HGFAC: variants seen among roughly 807,000 people sequenced by gnomAD.
The protein encoded by HGFAC is hepatocyte growth factor activator serine protease.
Under a neutral mutation model 70.6 loss-of-function variants are expected in HGFAC, and 76 were observed. The ratio of observed to expected loss-of-function variants is 1.08; its 90% confidence interval spans 0.89 to 1.30. The LOEUF is 1.30. Among genes scored for constraint, HGFAC ranks in the 50% most tolerant of loss-of-function variants. The pLI is 0.00. For synonymous variants in HGFAC, 464 were observed against 405.3 expected, an observed-to-expected ratio of 1.14 and a Z score of -1.74; for missense variants, 1,044 against 933.7, an observed-to-expected ratio of 1.12 and a Z score of -1.54.
At chr4:3,447,359 A>G (rs1395535535) in intron 10 of HGFAC, 133 bp from the exon 11 acceptor site, 5 of 916,056 alleles carry the variant, frequency 5.5e-6, no homozygotes, top group Middle Eastern at 3.2e-4. Context: ...ACACCCAGGC[A>G]CCTGCTCAGA....
At chr4:3,441,427 C>T (rs1478935651), upstream of HGFAC, among the ~76,000 whole-genome samples, 1 of 152,154 alleles carries the variant, frequency 6.6e-6, no homozygotes, top group Non-Finnish European at 1.5e-5. The surrounding 1 kb of genome is among the most constrained non-coding windows in gnomAD (Gnocchi z 6.0). Flanking sequence ...TGCGTGGCCC[C>T]TCTCCTCCCT....
intron 9 of HGFAC, chr4:3,445,616 G>A (rs938409514): frequency 3.7e-5 from 22 of 600,788 alleles, no homozygotes; most frequent in Non-Finnish European, 6.5e-5. Context: ...CAGGATGGCC[G>A]CAGAAGCCTT....
At position 3,442,860 on chromosome 4, in the gene HGFAC, G is replaced by C. The variant is rs1725360852; in HGVS notation, c.246G>C (p.Gly82=). The stretch of plus-strand genomic sequence containing the variant: ...AGGCAGAGGGACCCCAAAGTGGGGG[G>C]CTCCCGCCCCCGCCCAGGGCAGTTC... The part of the protein sequence containing the change: ...APEAEGPQSG[G]LPPPPRAVPS... Residue 82 remains glycine (G), a synonymous_variant, in exon 2 of 14, where the codon GGG becomes GGC. Transcript: ENST00000382774. The C allele has an allele frequency of 1.3e-6, 2 of 1,577,204 alleles. No homozygotes were observed. Among genetic ancestry groups the C allele is most frequent in the Non-Finnish European group, 8.6e-7 (1 of 1,165,500 alleles).
In HGFAC at chr4:3,449,334, C is replaced by T. The variant is rs773142376; in HGVS notation, c.1883C>T (p.Pro628Leu). 1.6e-5 allele frequency: 25 copies of T among 1,611,892 alleles called. No homozygotes were observed. Among genetic ancestry groups the T allele is most frequent in the South Asian group, 3.3e-5 (3 of 91,012 alleles). Residue 628 changes from proline to leucine, a missense_variant, in exon 14 of 14, where the codon CCG (proline) becomes CTG (leucine). By Grantham distance (98) the Pro-to-Leu change is moderately conservative. Coordinates refer to ENST00000382774, the MANE Select transcript of HGFAC (RefSeq NM_001528.4). ...GACGGCTGCGGGCGGCTCCACAAGC[C>T]GGGGGTCTACACCCGCGTGGCCAAC... ...WGDGCGRLHK[P>L]GVYTRVANYV...
chr4:3,442,890 G>A lies in HGFAC; in HGVS notation c.276G>A (p.Ser92=), dbSNP rs34824720. The change falls in exon 2 of 14, where the codon TCG becomes TCA. Residue 92 remains serine, a synonymous_variant. Coordinates refer to ENST00000382774, the MANE Select transcript of HGFAC (RefSeq NM_001528.4). ...GLPPPPRAVP[S]SSSPQAQALT... is the part of the protein sequence containing the mutation. ...CGCCCCCGCCCAGGGCAGTTCCCTC[G>A]AGCAGTAGCCCCCAGGCCCAAGGTG... The A allele has an allele frequency of 4.4e-5, 69 of 1,564,484 alleles. No homozygotes were observed. The highest frequency in any genetic ancestry group is 2.0e-4 in the South Asian group (17 of 85,140).
Position 3,448,052 on chromosome 4 carries a change from G to A in HGFAC, c.1636+17G>A. ...TGGATGAGAGTGAGTTGGGAGGGGG[G>A]CGCCCAGCGCCCCGCCAGGGTGGAC... is the stretch of plus-strand genomic sequence containing the variant. On this transcript the variant is annotated intron_variant, in intron 12 of 13. Coordinates refer to ENST00000382774, the MANE Select transcript of HGFAC (RefSeq NM_001528.4). 1.3e-6 allele frequency: 2 copies of A among 1,553,412 alleles called. No homozygotes were observed. Among genetic ancestry groups the A allele is most frequent in the Non-Finnish European group, 1.7e-6 (2 of 1,149,492 alleles).
upstream of HGFAC, among the ~76,000 whole-genome samples, chr4:3,441,244 G>A (rs1236096800): frequency 6.6e-6 from 1 of 152,172 alleles, no homozygotes; most frequent in Non-Finnish European, 1.5e-5. The surrounding 1 kb of genome is among the most constrained non-coding windows in gnomAD (Gnocchi z 6.0). Flanking sequence ...GCGGCGGTGG[G>A]GAGCTGGGGT....
At position 3,447,426 on chromosome 4, in the gene HGFAC, G is replaced by C. The variant is rs543761861; in HGVS notation, c.1356-66G>C. On this transcript the variant is annotated intron_variant, in intron 10 of 13. Transcript: ENST00000382774. Reference sequence around the variant, plus strand: ...GGCCTCCGTGGGCCTGACAGGGGGTGGGGAGAGGTGAGCCCGGTGGCTGGG... The same window carrying C: ...GGCCTCCGTGGGCCTGACAGGGGGTCGGGAGAGGTGAGCCCGGTGGCTGGG... 30 of 1,581,754 alleles carry C rather than the reference G, an allele frequency of 1.9e-5. 1 individual carries two copies. The Admixed American group carries it at 4.9e-4, about 26-fold the overall frequency.
chr4:3,444,397 G>C lies in HGFAC; in HGVS notation c.685G>C (p.Glu229Gln), dbSNP rs138611679. 2 of 1,605,120 alleles carry C rather than the reference G, an allele frequency of 1.2e-6. No individual in the cohort carries two copies. Among genetic ancestry groups the C allele is most frequent in the Admixed American group, 1.7e-5 (1 of 58,928 alleles). ...GCGCCAGGGCCACGTGGAACAGTGC[G>C]AGTGCTTCGGGGGCCGGACCTGGTG... ...RVRQGHVEQC[E>Q]CFGGRTWCEG... is the part of the protein sequence containing the mutation. The change falls in exon 6 of 14, where the codon GAG becomes CAG. Residue 229 changes from glutamate to glutamine, a missense_variant. Coordinates refer to ENST00000382774, the MANE Select transcript of HGFAC (RefSeq NM_001528.4).
chr4:3,444,779 G>T, intron 7 of HGFAC, 40 bp from the exon 8 acceptor site: 1 of 1,578,610 alleles, frequency 6.3e-7, no homozygotes, highest in Non-Finnish European at 8.6e-7. Context: ...GTGCCGGGTG[G>T]ACCCACCGTG....
intron 9 of HGFAC, chr4:3,445,569 G>A (rs976971329): frequency 2.0e-5 from 12 of 606,554 alleles, no homozygotes; most frequent in South Asian, 5.9e-5. Context: ...ACCAGGCGAC[G>A]GCCTCGGGGT....
At position 3,449,486 on chromosome 4, in the gene HGFAC, A is replaced by G; in HGVS notation, c.*67A>G. 9 of 1,418,212 alleles carry G rather than the reference A, an allele frequency of 6.3e-6. No individual in the cohort carries two copies. Among genetic ancestry groups the G allele is most frequent in the Non-Finnish European group, 8.4e-6 (9 of 1,066,266 alleles). The allele number at this position is 1,418,212 out of a possible 1,614,324, so 87.9% of individuals were successfully genotyped here. On this transcript the variant is annotated 3_prime_UTR_variant, in exon 14 of 14. Coordinates refer to ENST00000382774, the MANE Select transcript of HGFAC (RefSeq NM_001528.4). ...GCTGACAATAAAGATATTTCCAAGA[A>G]CCCGGCCCACGCTGCCTGGCCCCTG...
In HGFAC at chr4:3,445,248, C is replaced by G. The variant is rs969835278; in HGVS notation, c.1017-17C>G. ...GGGCAGTGTGACTCCCTGCCAGCCC[C>G]CACTTATGCACCGCAGGAATCCGGA... is the stretch of plus-strand genomic sequence containing the variant. On this transcript the variant is annotated splice_polypyrimidine_tract_variant and intron_variant, in intron 8 of 13. Transcript: ENST00000382774. The G allele has an allele frequency of 1.3e-6, 2 of 1,554,922 alleles. No individual in the cohort carries two copies. Among genetic ancestry groups the G allele is most frequent in the African/African-American group, 2.7e-5 (2 of 73,384 alleles).
At chr4:3,445,653 G>A in intron 9 of HGFAC, 3 of 605,286 alleles carry the variant, frequency 5.0e-6, no homozygotes, top group Non-Finnish European at 8.8e-6. Flanking sequence ...AGGGCAGCGT[G>A]CAGGCCCCCC....
rs757513284 is a variant in HGFAC at position 3,442,022 on chromosome 4, C to T, written c.21C>T (p.Val7=). The T allele has an allele frequency of 2.0e-4, 303 of 1,512,348 alleles. No homozygotes were observed. The highest frequency in any genetic ancestry group is 2.5e-4 in the Non-Finnish European group (286 of 1,146,538). 93.7% of individuals were successfully genotyped at this position (1,512,348 alleles called of 1,614,324 possible). A position where few individuals can be genotyped will look rare whatever the true frequency, so the allele number is the denominator to read the frequency against. The change falls in exon 1 of 14, where the codon GTC becomes GTT. Residue 7 remains valine (V), a synonymous_variant. Coordinates refer to ENST00000382774, the MANE Select transcript of HGFAC (RefSeq NM_001528.4). MGRWAW[V]PSPWPPPGLG... is the part of the protein sequence containing the mutation. Reference sequence around the variant, plus strand: ...GAGCCATGGGGCGCTGGGCCTGGGTCCCCAGCCCCTGGCCCCCACCGGGGC... The same window carrying T: ...GAGCCATGGGGCGCTGGGCCTGGGTTCCCAGCCCCTGGCCCCCACCGGGGC...
intron 13 of HGFAC, 136 bp downstream of exon 13, chr4:3,448,412 C>T: frequency 8.4e-6 from 9 of 1,073,404 alleles, no homozygotes; most frequent in Non-Finnish European, 1.2e-5. Context: ...GACCCCTGGG[C>T]AGGGAGCACA....
Position 3,448,243 on chromosome 4 carries a change from C to G in HGFAC, c.1752C>G (p.Ala584=). Residue 584 remains alanine, a synonymous_variant, in exon 13 of 14, where the codon GCC becomes GCG. Coordinates refer to ENST00000382774, the MANE Select transcript of HGFAC (RefSeq NM_001528.4). ...GADISPNMLC[A]GYFDCKSDAC... is the part of the protein sequence containing the mutation. ...ACATCAGCCCCAACATGCTCTGTGCCGGCTACTTCGACTGCAAGTCCGACG... is the reference window on the plus strand; with the variant it reads ...ACATCAGCCCCAACATGCTCTGTGCGGGCTACTTCGACTGCAAGTCCGACG... 8.7e-6 allele frequency: 14 copies of G among 1,609,352 alleles called. No homozygotes were observed. The highest frequency in any genetic ancestry group is 1.1e-5 in the Non-Finnish European group (13 of 1,179,490).
In HGFAC at chr4:3,442,050, G is replaced by A; in HGVS notation, c.49G>A (p.Gly17Ser). 1 of 1,542,362 alleles carries A rather than the reference G, an allele frequency of 6.5e-7. No homozygotes were observed. Among genetic ancestry groups the A allele is most frequent in the Non-Finnish European group, 8.6e-7 (1 of 1,159,320 alleles). Residue 17 changes from glycine (G) to serine (S), a missense_variant, in exon 1 of 14, where the codon GGC (glycine) becomes AGC (serine). Transcript: ENST00000382774. ...VPSPWPPPGL[G>S]PFLLLLLLLL... is the part of the protein sequence containing the mutation. The stretch of plus-strand genomic sequence containing the variant: ...CAGCCCCTGGCCCCCACCGGGGCTG[G>A]GCCCCTTCCTCCTCCTCCTCCTGCT...
chr4:3,444,219 A>T (rs1725411953), intron 5 of HGFAC, 58 bp downstream of exon 5: 3 of 1,563,948 alleles, frequency 1.9e-6, no homozygotes, highest in Non-Finnish European at 2.6e-6. Flanking sequence ...TCCCCGGAGG[A>T]TGGGAGAACA....
Sources: gnomAD v4.1 joint callset for allele counts (sites outside exome capture counted in the v4.1 genomes callset) on GRCh38, gnomAD v4.1.1 for gene constraint, Gnocchi (gnomAD v3.1) non-coding constraint, MANE v1.5 for transcripts, NCBI Gene and HGNC (gene_info 2026-07-23, HGNC 2026-07-21) for gene names.